The following GPC5 variants were observed in gnomAD, a reference collection of about 807,000 sequenced individuals.
The protein encoded by GPC5 is glypican 5, also known as glypican-5.
Under a neutral mutation model 53.9 loss-of-function variants are expected in GPC5, and 47 were observed. That is an observed-to-expected ratio of 0.87 (90% CI 0.69 to 1.11). The LOEUF is 1.11. GPC5 is among the 50% of genes most tolerant of loss of function. The probability of loss-of-function intolerance (pLI) is 0.00; values close to 1 mark genes in which losing one functional copy is unlikely to be tolerated. For synonymous variants in GPC5, 286 were observed against 263.3 expected, an observed-to-expected ratio of 1.09 and a Z score of -0.84; for missense variants, 748 against 713.1, an observed-to-expected ratio of 1.05 and a Z score of -0.56.
At chr13:92,602,208 T>A (rs7320077) in intron 7 of GPC5, among the ~76,000 whole-genome samples, 9,083 of 106,520 alleles carry the variant, frequency 0.085, 1,063 homozygotes, top group African/African-American at 0.27. Flanking sequence ...ATATATATAT[T>A]ACATATATAT....
At chr13:92,815,288 T>C (rs771200032) in intron 7 of GPC5, among the ~76,000 whole-genome samples, 31 of 151,998 alleles carry the variant, frequency 2.0e-4, no homozygotes, top group Non-Finnish European at 3.7e-4. Context: ...GAAGAGAGGA[T>C]ATTTTAGCAG....
chr13:92,389,863 C>T (rs958991015), intron 7 of GPC5, among the ~76,000 whole-genome samples: 1 of 152,110 alleles, frequency 6.6e-6, no homozygotes. Flanking sequence ...TCAGTCCATA[C>T]ATTTAAGAAA....
At chr13:92,586,543 A>C (rs1230873370) in intron 7 of GPC5, among the ~76,000 whole-genome samples, 1 of 152,248 alleles carries the variant, frequency 6.6e-6, no homozygotes, top group Non-Finnish European at 1.5e-5. Context: ...GTCAGTGTGC[A>C]GAATGAACTG....
chr13:92,209,717 A>G (rs941273053), intron 7 of GPC5, among the ~76,000 whole-genome samples: 1 of 152,190 alleles, frequency 6.6e-6, no homozygotes, highest in Non-Finnish European at 1.5e-5. Flanking sequence ...CATGCAAACA[A>G]AATTATGTTT....
At chr13:92,082,615 C>A (rs554953439) in intron 6 of GPC5, among the ~76,000 whole-genome samples, 1 of 152,052 alleles carries the variant, frequency 6.6e-6, no homozygotes, top group Non-Finnish European at 1.5e-5. Context: ...AATTTTAATG[C>A]CTCAGCATTA....
intron 6 of GPC5, among the ~76,000 whole-genome samples, chr13:92,092,327 A>C (rs2041387778): frequency 6.6e-6 from 1 of 152,218 alleles, no homozygotes; most frequent in Non-Finnish European, 1.5e-5. Flanking sequence ...TTCTAGACAA[A>C]TTTGATAAGG....
chr13:92,753,673 C>A (rs995963727), intron 7 of GPC5, among the ~76,000 whole-genome samples: 2 of 151,604 alleles, frequency 1.3e-5, no homozygotes, highest in African/African-American at 4.9e-5. Context: ...TCGAGAACTA[C>A]GTGAAGAATG....
chr13:92,590,690 T>C (rs1194721857), intron 7 of GPC5, among the ~76,000 whole-genome samples: 1 of 152,254 alleles, frequency 6.6e-6, no homozygotes. Flanking sequence ...CACGTTGTTA[T>C]TGCAGGTTCA....
chr13:92,633,516 A>T (rs1885323320), intron 7 of GPC5, among the ~76,000 whole-genome samples: 3 of 152,168 alleles, frequency 2.0e-5, no homozygotes, highest in Admixed American at 2.0e-4. Context: ...TATTAAAGGT[A>T]TAAGTGTTAA....
At chr13:91,835,075 T>G (rs2038707957) in intron 5 of GPC5, among the ~76,000 whole-genome samples, 2 of 151,980 alleles carry the variant, frequency 1.3e-5, no homozygotes, top group African/African-American at 4.8e-5. Context: ...AAAAAGTGGG[T>G]GAAGGATATG....
At chr13:91,848,322 G>A (rs1289649220) in intron 5 of GPC5, among the ~76,000 whole-genome samples, 1 of 152,204 alleles carries the variant, frequency 6.6e-6, no homozygotes, top group Non-Finnish European at 1.5e-5. Context: ...ATTGTTTGAA[G>A]TAATATTTAT....
chr13:91,967,512 C>G (rs1041223503), intron 6 of GPC5, among the ~76,000 whole-genome samples: 1 of 151,720 alleles, frequency 6.6e-6, no homozygotes, highest in African/African-American at 2.4e-5. Flanking sequence ...ATTATTTTTC[C>G]CAGTCTTTGT....
chr13:92,866,768 C>T lies in GPC5; in HGVS notation c.*329C>T, dbSNP rs1169331631. ...GTAATTTTATTATCAATTCCAAGCC[C>T]CTTCCTTTCTAAATTAAAAATGTTT... On this transcript the variant is annotated 3_prime_UTR_variant, in exon 8 of 8. Transcript: ENST00000377067. The T allele has an allele frequency of 1.1e-5, 2 of 174,368 alleles. No individual in the cohort carries two copies. Among genetic ancestry groups the T allele is most frequent in the Non-Finnish European group, 2.4e-5 (2 of 83,294 alleles). The allele number at this position is 174,368 out of a possible 1,614,324, so 10.8% of individuals were successfully genotyped here.
chr13:92,346,671 T>C (rs914101544), intron 7 of GPC5, among the ~76,000 whole-genome samples: 8 of 152,120 alleles, frequency 5.3e-5, no homozygotes, highest in African/African-American at 1.9e-4. Flanking sequence ...TCATTACACT[T>C]CAAGGGAAAC....
At chr13:92,542,829 GT>G (rs1318568490) in intron 7 of GPC5, among the ~76,000 whole-genome samples, 1 of 151,970 alleles carries the variant, frequency 6.6e-6, no homozygotes, top group Non-Finnish European at 1.5e-5. Context: ...TGGCATGTAA[GT>G]TTTCTGCTAA....
chr13:91,560,124 T>C (rs2031178518), intron 2 of GPC5, among the ~76,000 whole-genome samples: 1 of 152,114 alleles, frequency 6.6e-6, no homozygotes, highest in African/African-American at 2.4e-5. Context: ...CTGAAACTTA[T>C]ACTCAGTGGT....
intron 6 of GPC5, among the ~76,000 whole-genome samples, chr13:92,087,203 G>T (rs2041342665): frequency 6.6e-6 from 1 of 152,188 alleles, no homozygotes; most frequent in African/African-American, 2.4e-5. Flanking sequence ...TTAATGCCCT[G>T]ATCCTGAGTT....
chr13:91,978,154 A>C (rs1187796445), intron 6 of GPC5, among the ~76,000 whole-genome samples: 1 of 152,176 alleles, frequency 6.6e-6, no homozygotes, highest in Non-Finnish European at 1.5e-5. Context: ...CTCATATCAC[A>C]TGAGACTTAC....
rs767223885 is a variant in GPC5, at chr13:91,907,948, G to A, written c.1292G>A (p.Arg431His). Residue 431 changes from arginine to histidine, a missense_variant, in exon 6 of 8, where the codon CGT becomes CAT. Arg to His is a conservative substitution (Grantham distance 29). Transcript: ENST00000377067. Reference protein sequence around the residue: ...GEDIVKSYTQRVVGNGIKAQS... With the variant: ...GEDIVKSYTQHVVGNGIKAQS... The stretch of plus-strand genomic sequence containing the variant: ...ATTTCCCTTGCTAGTTATACTCAGC[G>A]TGTGGTTGGAAATGGAATCAAAGCC... The A allele has an allele frequency of 1.7e-5, 27 of 1,594,966 alleles. No individual in the cohort carries two copies. Among genetic ancestry groups the A allele is most frequent in the East Asian group, 1.1e-4 (5 of 44,700 alleles).
Sources: allele counts gnomAD v4.1 joint callset (sites outside exome capture counted in the v4.1 genomes callset), GRCh38; gene constraint gnomAD v4.1.1; transcripts MANE v1.5; gene names NCBI Gene and HGNC (gene_info 2026-07-23, HGNC 2026-07-21).